SNX13: variants seen among roughly 807,000 people sequenced by gnomAD.
SNX13 encodes the protein sorting nexin-13.
A neutral mutation model predicts 133.6 loss-of-function variants in SNX13; 45 were observed. The ratio of observed to expected loss-of-function variants is 0.34; its 90% confidence interval spans 0.27 to 0.43. The LOEUF is 0.43. SNX13 is among the 20% of genes least tolerant of loss of function. The probability of loss-of-function intolerance (pLI) is 1.00; values close to 1 mark genes in which losing one functional copy is unlikely to be tolerated. For missense variants in SNX13, 1,032 were observed against 1,145.1 expected (o/e 0.90, Z 1.43); for synonymous variants, 414 against 373.9 (o/e 1.11, Z -1.24).
At chr7:17,938,237 G>C (rs1406598523) in intron 1 of SNX13, among the ~76,000 whole-genome samples, 1 of 152,180 alleles carries the variant, frequency 6.6e-6, no homozygotes, top group Non-Finnish European at 1.5e-5. Context: ...ACAATATTCA[G>C]ACAAGGAAGT....
chr7:17,890,501 G>T lies in SNX13; in HGVS notation c.319-17C>A. 1 of 1,518,394 alleles carries T rather than the reference G, an allele frequency of 6.6e-7. No homozygotes were observed. Among genetic ancestry groups the T allele is most frequent in the Non-Finnish European group, 8.8e-7 (1 of 1,130,756 alleles). 94.1% of individuals were successfully genotyped at this position (1,518,394 alleles called of 1,614,324 possible). ...CTGGATAACCTATAACAAAAATATTGGAAAAAAAATTACAACATTTTAGGA... is the reference window on the plus strand; with the variant it reads ...CTGGATAACCTATAACAAAAATATTTGAAAAAAAATTACAACATTTTAGGA... On this transcript the variant is annotated splice_polypyrimidine_tract_variant and intron_variant, in intron 4 of 25. Coordinates refer to ENST00000428135, the MANE Select transcript of SNX13 (RefSeq NM_015132.5).
chr7:17,802,959 G>A (rs1394588465), intron 21 of SNX13, among the ~76,000 whole-genome samples: 1 of 152,064 alleles, frequency 6.6e-6, no homozygotes, highest in Non-Finnish European at 1.5e-5. Context: ...TGAGCCCAGA[G>A]ATTGATGGTA....
intron 5 of SNX13, among the ~76,000 whole-genome samples, chr7:17,876,475 G>A (rs1443806929): frequency 6.7e-6 from 1 of 150,344 alleles, no homozygotes; most frequent in South Asian, 2.1e-4. Flanking sequence ...AGCTGCTAGG[G>A]AAGCTGAAGT....
At chr7:17,831,285 C>T in intron 15 of SNX13, 1 of 963,926 alleles carries the variant, frequency 1.0e-6, no homozygotes, top group Non-Finnish European at 1.2e-6. Context: ...CACTGTTCAA[C>T]ATGGTGAGAC....
chr7:17,796,997 T>A, intron 24 of SNX13, 58 bp from the exon 25 acceptor site: 1 of 1,261,658 alleles, frequency 7.9e-7, no homozygotes, highest in Non-Finnish European at 1.1e-6. Flanking sequence ...TGATACAAGT[T>A]GATAAAATTA....
intron 1 of SNX13, among the ~76,000 whole-genome samples, chr7:17,919,499 G>A (rs1799900147): frequency 6.6e-6 from 1 of 152,134 alleles, no homozygotes; most frequent in Non-Finnish European, 1.5e-5. Context: ...TCAGCCAAAT[G>A]ATGTCACCTA....
chr7:17,857,900 C>T (rs1398219438), intron 9 of SNX13, among the ~76,000 whole-genome samples: 1 of 152,148 alleles, frequency 6.6e-6, no homozygotes. Flanking sequence ...AAGCATAATA[C>T]ATGATGTTAA....
intron 9 of SNX13, among the ~76,000 whole-genome samples, chr7:17,852,217 T>C (rs1791302628): frequency 6.6e-6 from 1 of 151,922 alleles, no homozygotes; most frequent in Non-Finnish European, 1.5e-5. Context: ...CTACTAAAAA[T>C]AGAAAAATTA....
intron 14 of SNX13, 122 bp downstream of exon 14, chr7:17,834,639 T>C (rs1788926808): frequency 1.1e-5 from 6 of 538,694 alleles, no homozygotes; most frequent in Non-Finnish European, 1.9e-5. Flanking sequence ...AGAAGTATAA[T>C]TGCCATAGTT....
At chr7:17,913,746 C>T (rs1283967101) in intron 1 of SNX13, among the ~76,000 whole-genome samples, 11 of 68,894 alleles carry the variant, frequency 1.6e-4, no homozygotes, top group African/African-American at 6.4e-4. Flanking sequence ...CAAACAATAG[C>T]AAATTAACAA....
rs150892272 is a variant in SNX13, at chr7:17,840,169, C to T, written c.1166-169G>A. On this transcript the variant is annotated intron_variant, in intron 12 of 25. Coordinates refer to ENST00000428135, the MANE Select transcript of SNX13 (RefSeq NM_015132.5). The stretch of plus-strand genomic sequence containing the variant: ...TGAAAATATAGTTGTAAATTAGTTA[C>T]GCTAAAAAACCAGTTATGTTAAAAA... Among the ~76,000 whole-genome samples the T allele has an allele frequency of 4.9e-3, 741 of 152,044 alleles. 5 individuals carry two copies. Among genetic ancestry groups the T allele is most frequent in the African/African-American group, 0.017 (714 of 41,518 alleles).
chr7:17,797,228 C>T (rs971722438), intron 24 of SNX13, among the ~76,000 whole-genome samples: 5 of 151,816 alleles, frequency 3.3e-5, no homozygotes, highest in African/African-American at 1.2e-4. Context: ...ATGACTATAT[C>T]ACAGCCATTT....
chr7:17,793,082 T>C lies in SNX13; in HGVS notation c.*963A>G, dbSNP rs935593407. On this transcript the variant is annotated 3_prime_UTR_variant, in exon 26 of 26. Coordinates refer to ENST00000428135, the MANE Select transcript of SNX13 (RefSeq NM_015132.5). ...TAATAAGCTCATTAATCATTTAATT[T>C]GCTATTTCTGCAGTTACCTAAGGCA... The C allele has an allele frequency of 4.6e-5, 7 of 152,304 alleles. No individual in the cohort carries two copies. The highest frequency in any genetic ancestry group is 1.0e-4 in the Non-Finnish European group (7 of 67,848). The allele number at this position is 152,304 out of a possible 1,614,324, so 9.4% of individuals were successfully genotyped here. A position where few individuals can be genotyped will look rare whatever the true frequency, so the allele number is the denominator to read the frequency against.
At chr7:17,919,115 G>A (rs1360861792) in intron 1 of SNX13, among the ~76,000 whole-genome samples, 2 of 152,158 alleles carry the variant, frequency 1.3e-5, no homozygotes, top group Non-Finnish European at 2.9e-5. Context: ...AGGGAGCCAA[G>A]GGTTGAAAAA....
intron 12 of SNX13, among the ~76,000 whole-genome samples, chr7:17,841,485 A>T (rs1789869469): frequency 6.6e-6 from 1 of 151,772 alleles, no homozygotes; most frequent in Non-Finnish European, 1.5e-5. Flanking sequence ...AAAGAACAGC[A>T]AACCCTAAGG....
intron 9 of SNX13, chr7:17,868,178 G>A (rs991220211): frequency 3.1e-5 from 14 of 448,226 alleles, no homozygotes; most frequent in African/African-American, 6.2e-5. Flanking sequence ...AGAAATAGTA[G>A]TAGCACCATA....
intron 1 of SNX13, among the ~76,000 whole-genome samples, chr7:17,932,492 T>G (rs1402578105): frequency 1.3e-5 from 2 of 152,226 alleles, no homozygotes; most frequent in Non-Finnish European, 2.9e-5. Flanking sequence ...ATTTTTCACT[T>G]TAATCTTAAT....
intron 5 of SNX13, chr7:17,881,553 T>A (rs1319274241): frequency 1.3e-5 from 2 of 152,256 alleles, no homozygotes; most frequent in Admixed American, 6.5e-5. Flanking sequence ...TAACTTTGAG[T>A]AGATTTTGAG....
chr7:17,841,553 T>TATACACACACAC (rs1554321828), intron 12 of SNX13, among the ~76,000 whole-genome samples: 1 of 142,972 alleles, frequency 7.0e-6, no homozygotes, highest in South Asian at 2.3e-4. Flanking sequence ...CAGTTATTCA[T>TATACACACACAC]ACACACACAC....
Sources: allele counts gnomAD v4.1 joint callset (sites outside exome capture counted in the v4.1 genomes callset), GRCh38; gene constraint gnomAD v4.1.1; transcripts MANE v1.5; gene names NCBI Gene and HGNC (gene_info 2026-07-23, HGNC 2026-07-21).